The following HCN1 variants were observed in gnomAD, a reference collection of about 807,000 sequenced individuals.
HCN1 encodes the protein potassium/sodium hyperpolarization-activated cyclic nucleotide-gated channel 1.
A neutral mutation model predicts 78.9 loss-of-function variants in HCN1; 13 were observed. The ratio of observed to expected loss-of-function variants is 0.16; its 90% confidence interval spans 0.11 to 0.26. The LOEUF (loss-of-function observed/expected upper bound fraction) is 0.26, where lower values mean the gene tolerates loss of function less well. Ranked by LOEUF, HCN1 falls within the 10% of genes least tolerant of loss-of-function variation. The pLI, the probability that HCN1 is intolerant of heterozygous loss-of-function variation, is 1.00. For missense variants in HCN1, 810 were observed against 1,154.3 expected, an observed-to-expected ratio of 0.70 and a Z score of 4.32; for synonymous variants, 552 against 455.5, an observed-to-expected ratio of 1.21 and a Z score of -2.70.
intron 5 of HCN1, among the ~76,000 whole-genome samples, chr5:45,313,946 G>A (rs1208326468): frequency 6.6e-6 from 1 of 152,156 alleles, no homozygotes; most frequent in African/African-American, 2.4e-5. Context: ...ACACTCTGCA[G>A]GATATTATCC....
intron 1 of HCN1, among the ~76,000 whole-genome samples, chr5:45,693,832 T>A (rs553294814): frequency 4.0e-5 from 6 of 151,720 alleles, no homozygotes; most frequent in Non-Finnish European, 8.8e-5. Flanking sequence ...TATGTAATCA[T>A]TTTATTGAGT....
At chr5:45,310,277 C>A (rs1389476869) in intron 5 of HCN1, among the ~76,000 whole-genome samples, 1 of 151,838 alleles carries the variant, frequency 6.6e-6, no homozygotes, top group Non-Finnish European at 1.5e-5. Flanking sequence ...TGACAAATGC[C>A]TAATATCCAG....
intron 1 of HCN1, among the ~76,000 whole-genome samples, chr5:45,682,009 G>A (rs964225635): frequency 5.9e-5 from 9 of 151,864 alleles, no homozygotes; most frequent in East Asian, 1.9e-4. Context: ...CATGAGGATA[G>A]AGCCTTCATG....
At chr5:45,656,707 T>A (rs903478938) in intron 1 of HCN1, among the ~76,000 whole-genome samples, 1 of 152,172 alleles carries the variant, frequency 6.6e-6, no homozygotes, top group Non-Finnish European at 1.5e-5. Context: ...AGGCTCATGA[T>A]CAAAGACAGC....
intron 2 of HCN1, among the ~76,000 whole-genome samples, chr5:45,482,978 A>G (rs182963203): frequency 6.6e-6 from 1 of 152,322 alleles, no homozygotes; most frequent in East Asian, 1.9e-4. Context: ...TATGGTGTAT[A>G]TGTACCACAT....
At chr5:45,582,928 T>C (rs1744112740) in intron 2 of HCN1, among the ~76,000 whole-genome samples, 1 of 152,212 alleles carries the variant, frequency 6.6e-6, no homozygotes, top group Non-Finnish European at 1.5e-5. Flanking sequence ...TTGCCAGTAT[T>C]TTATTGAGGA....
chr5:45,363,585 T>A (rs1178064968), intron 4 of HCN1, among the ~76,000 whole-genome samples: 1 of 152,048 alleles, frequency 6.6e-6, no homozygotes, highest in Admixed American at 6.6e-5. Flanking sequence ...CATGGTGATA[T>A]GGTTTGGCTG....
intron 2 of HCN1, among the ~76,000 whole-genome samples, chr5:45,486,459 T>C (rs1344674705): frequency 2.0e-5 from 3 of 152,102 alleles, no homozygotes; most frequent in Non-Finnish European, 2.9e-5. Context: ...CTACTAAACA[T>C]ATAAAGAGTA....
chr5:45,462,425 C>A (rs1330273068), intron 2 of HCN1, among the ~76,000 whole-genome samples: 1 of 152,022 alleles, frequency 6.6e-6, no homozygotes, highest in Admixed American at 6.6e-5. Context: ...AGAAAATACC[C>A]AAGGACTGAA....
chr5:45,483,443 G>A (rs149872463), intron 2 of HCN1, among the ~76,000 whole-genome samples: 1 of 152,098 alleles, frequency 6.6e-6, no homozygotes. Context: ...AGTTCATGTA[G>A]TTTGCCCATT....
intron 2 of HCN1, among the ~76,000 whole-genome samples, chr5:45,564,687 A>C (rs1415479537): frequency 1.3e-5 from 2 of 152,202 alleles, no homozygotes; most frequent in Non-Finnish European, 2.9e-5. Flanking sequence ...ATTTCTATAA[A>C]GAATTATATT....
intron 1 of HCN1, among the ~76,000 whole-genome samples, chr5:45,687,705 C>T (rs934375812): frequency 6.6e-6 from 1 of 152,104 alleles, no homozygotes; most frequent in African/African-American, 2.4e-5. Context: ...CCTCATGAGA[C>T]TTTTCTCAAA....
At chr5:45,468,278 C>T (rs997144454) in intron 2 of HCN1, among the ~76,000 whole-genome samples, 3 of 152,038 alleles carry the variant, frequency 2.0e-5, no homozygotes, top group African/African-American at 7.2e-5. Flanking sequence ...GAAAATAGTA[C>T]TTTTCATAAC....
At chr5:45,371,129 G>A (rs1333632933) in intron 4 of HCN1, among the ~76,000 whole-genome samples, 1 of 152,024 alleles carries the variant, frequency 6.6e-6, no homozygotes, top group Non-Finnish European at 1.5e-5. Context: ...AGCTAAGGCA[G>A]CGATAAGAGG....
intron 5 of HCN1, 65 bp from the exon 6 acceptor site, chr5:45,303,904 C>T (rs1320633368): frequency 6.0e-5 from 85 of 1,426,726 alleles, no homozygotes; most frequent in Non-Finnish European, 7.6e-5. Flanking sequence ...GAAAAACATG[C>T]TGAAATTTAA....
intron 2 of HCN1, among the ~76,000 whole-genome samples, chr5:45,504,836 T>A (rs1395880372): frequency 6.6e-6 from 1 of 152,232 alleles, no homozygotes; most frequent in Non-Finnish European, 1.5e-5. Flanking sequence ...TGATTTGCAT[T>A]TCTCTGATGG....
chr5:45,584,626 G>A (rs1744165271), intron 2 of HCN1, among the ~76,000 whole-genome samples: 2 of 152,264 alleles, frequency 1.3e-5, no homozygotes, highest in South Asian at 2.1e-4. Context: ...TCCTAGCCTC[G>A]ATGGTCTTTA....
chr5:45,520,721 T>C (rs1311662989), intron 2 of HCN1, among the ~76,000 whole-genome samples: 1 of 152,000 alleles, frequency 6.6e-6, no homozygotes, highest in African/African-American at 2.4e-5. Context: ...ATTTGGTAAG[T>C]ATATATTGAG....
chr5:45,296,625 T>C (rs1011559361), intron 6 of HCN1, among the ~76,000 whole-genome samples: 2 of 151,754 alleles, frequency 1.3e-5, no homozygotes, highest in African/African-American at 4.8e-5. Flanking sequence ...AAAATTATGA[T>C]AGAAATCAAT....
Sources: allele counts gnomAD v4.1 joint callset (sites outside exome capture counted in the v4.1 genomes callset), GRCh38; gene constraint gnomAD v4.1.1; transcripts MANE v1.5; gene names NCBI Gene and HGNC (gene_info 2026-07-23, HGNC 2026-07-21).